Variants in ZNF800 observed in about 807,000 individuals in gnomAD.
ZNF800 encodes the protein zinc finger protein 800.
ZNF800 carries 13 observed loss-of-function variants against 59.5 expected under a neutral mutation model. The observed-to-expected ratio is 0.22, with a 90% CI of 0.14 to 0.35. ZNF800 has a LOEUF of 0.35. Among genes scored for constraint, ZNF800 ranks in the 10% least tolerant of loss-of-function variants. ZNF800 has a pLI of 1.00. For missense variants in ZNF800, 621 were observed against 783.7 expected (o/e 0.79, Z 2.48); for synonymous variants, 266 against 265.7 (o/e 1.00, Z -0.01).
In ZNF800 at chr7:127,373,741, C is replaced by T. The variant is rs1289495621; in HGVS notation, c.1595G>A (p.Arg532His). 6.2e-7 allele frequency: 1 copy of T among 1,614,080 alleles called. No homozygotes were observed. ...CACAGTTATATGTCGTATCACATCACGTTTCCGACGAGTTTCATAAGTGCA... is the reference window on the plus strand; with the variant it reads ...CACAGTTATATGTCGTATCACATCATGTTTCCGACGAGTTTCATAAGTGCA... Reference protein sequence around the residue: ...PLCTYETRRKRDVIRHITVVH... With the variant: ...PLCTYETRRKHDVIRHITVVH... Residue 532 changes from arginine to histidine, a missense_variant, in exon 5 of 6, where the codon CGT becomes CAT. Arg to His is a conservative substitution (Grantham distance 29, BLOSUM62 0). Coordinates refer to ENST00000265827, the MANE Select transcript of ZNF800 (RefSeq NM_176814.5).
intron 1 of ZNF800, chr7:127,348,122 C>G (rs760130697): frequency 6.6e-6 from 1 of 152,116 alleles, no homozygotes; most frequent in South Asian, 2.1e-4. Context: ...GAAAGAGCGC[C>G]GACGCCTCTC....
chr7:127,361,230 A>T (rs1462788226), intron 1 of ZNF800: 2 of 152,156 alleles, frequency 1.3e-5, no homozygotes, highest in Non-Finnish European at 2.9e-5. Context: ...GTAATACAAG[A>T]GGACATTCCA....
At chr7:127,386,855 CAACA>C (rs577395139) in intron 2 of ZNF800, among the ~76,000 whole-genome samples, 153 of 152,184 alleles carry the variant, frequency 1.0e-3, no homozygotes, top group Non-Finnish European at 1.9e-3. Flanking sequence ...AATTGTTAAG[CAACA>C]AACATAGGTT....
At chr7:127,385,083 G>A (rs910878502) in intron 3 of ZNF800, among the ~76,000 whole-genome samples, 4 of 152,120 alleles carry the variant, frequency 2.6e-5, no homozygotes, top group African/African-American at 7.2e-5. Context: ...CTAAAGTAAA[G>A]CAAATATATG....
At chr7:127,367,049 A>G (rs759203807), downstream of ZNF800, among the ~76,000 whole-genome samples, 1 of 152,150 alleles carries the variant, frequency 6.6e-6, no homozygotes, top group Non-Finnish European at 1.5e-5. Flanking sequence ...AAAATAAAGC[A>G]GAGTCTGAAA....
intron 1 of ZNF800, chr7:127,362,390 A>C (rs1255298362): frequency 6.6e-6 from 1 of 152,124 alleles, no homozygotes; most frequent in Non-Finnish European, 1.5e-5. Context: ...TTAGGGAAAT[A>C]AATGCAAAAA....
chr7:127,391,365 G>A, intron 2 of ZNF800, 132 bp downstream of exon 2: 2 of 854,780 alleles, frequency 2.3e-6, no homozygotes, highest in East Asian at 5.1e-5. Context: ...CTTCATAACT[G>A]GCTTATGCTA....
intron 1 of ZNF800, among the ~76,000 whole-genome samples, chr7:127,353,833 T>C (rs1259200695): frequency 6.2e-5 from 5 of 80,054 alleles, no homozygotes; most frequent in Admixed American, 1.5e-4. Flanking sequence ...ATTGCACTGA[T>C]AGATAAGCTG....
chr7:127,391,461 G>A (rs1395339292), intron 2 of ZNF800, 36 bp downstream of exon 2: 3 of 1,604,474 alleles, frequency 1.9e-6, no homozygotes, highest in Admixed American at 1.7e-5. Context: ...TGGCTCTGAT[G>A]GAGGGCAAAG....
downstream of ZNF800, among the ~76,000 whole-genome samples, chr7:127,346,639 G>GA (rs1180661412): frequency 6.6e-6 from 1 of 152,208 alleles, no homozygotes; most frequent in Non-Finnish European, 1.5e-5. Context: ...AGGAATCTAG[G>GA]ATAGGAAGAT....
chr7:127,349,998 CTAGCTAGAAAATTACCTTCAG>C (rs1467220224), intron 1 of ZNF800: 1 of 152,184 alleles, frequency 6.6e-6, no homozygotes. Flanking sequence ...TTGAGAAGCT[CTAGCTAGAAAATTACCTTCAG>C]ATTACTCAGA....
chr7:127,354,078 T>C (rs1220472581), intron 1 of ZNF800, among the ~76,000 whole-genome samples: 1 of 152,138 alleles, frequency 6.6e-6, no homozygotes, highest in Non-Finnish European at 1.5e-5. Context: ...ATAAACTGTT[T>C]GTACACACAG....
Position 127,391,447 on chromosome 7 carries a change from A to C in ZNF800, c.61+50T>G, listed in dbSNP as rs370887608. On this transcript the variant is annotated intron_variant, in intron 2 of 5. Coordinates refer to ENST00000265827, the MANE Select transcript of ZNF800 (RefSeq NM_176814.5). Reference sequence around the variant, plus strand: ...AAAAAGCTAGAAAAAAAGAGAAGGCAGAGTGGCTCTGATGGAGGGCAAAGC... The same window carrying C: ...AAAAAGCTAGAAAAAAAGAGAAGGCCGAGTGGCTCTGATGGAGGGCAAAGC... 3.8e-6 allele frequency: 6 copies of C among 1,564,194 alleles called. No individual in the cohort carries two copies. In the African/African-American group the frequency reaches 8.1e-5, roughly 21 times the overall value.
intron 1 of ZNF800, chr7:127,361,475 G>A (rs1340507437): frequency 6.6e-6 from 1 of 152,026 alleles, no homozygotes; most frequent in Non-Finnish European, 1.5e-5. Flanking sequence ...CAGCTACTCA[G>A]GAAGCTGAGG....
chr7:127,377,256 G>A lies in ZNF800; in HGVS notation c.231C>T (p.Leu77=), dbSNP rs1800813011. 1.9e-6 allele frequency: 3 copies of A among 1,612,048 alleles called. No individual in the cohort carries two copies. Among genetic ancestry groups the A allele is most frequent in the South Asian group, 2.2e-5 (2 of 90,960 alleles). The change falls in exon 4 of 6, where the codon CTC becomes CTT. Residue 77 remains leucine (L), a synonymous_variant. Transcript: ENST00000265827. This position sits in a 1 kb window ranked among gnomAD's most constrained non-coding sequence, Gnocchi z 4.7. The part of the protein sequence containing the change: ...TIFECKLCRS[L]FRGLPNLITH... ...TAATTAAATTTGGTAATCCTCTGAA[G>A]AGACTGCGGCATAACTTACATTCAA... is the stretch of plus-strand genomic sequence containing the variant.
chr7:127,369,560 T>TC (rs1800584181), downstream of ZNF800, among the ~76,000 whole-genome samples: 1 of 152,122 alleles, frequency 6.6e-6, no homozygotes, highest in South Asian at 2.1e-4. Context: ...TCTAAACTGG[T>TC]CCTAGTTCAG....
In ZNF800 at chr7:127,374,356, C is replaced by A. The variant is rs1177145185; in HGVS notation, c.980G>T (p.Gly327Val). ...SITPDIATKP[G>V]QPLFLDSISP... is the part of the protein sequence containing the mutation. ...AATAGAATCCAGGAACAAAGGTTGC[C>A]CAGGCTTTGTTGCTATATCAGGAGT... Residue 327 changes from glycine to valine, a missense_variant, in exon 5 of 6, where the codon GGG becomes GTG. This residue lies in a region of ZNF800 where 185 missense variants were observed against 177.6 expected (regional missense o/e 1.04). Transcript: ENST00000265827. The A allele has an allele frequency of 6.2e-7, 1 of 1,613,586 alleles. No homozygotes were observed.
At chr7:127,360,764 T>A (rs1800378100) in intron 1 of ZNF800, 1 of 151,976 alleles carries the variant, frequency 6.6e-6, no homozygotes, top group Non-Finnish European at 1.5e-5. Context: ...TATGAAAAAA[T>A]ACTTTATCAG....
chr7:127,355,493 G>C (rs1352149116), intron 1 of ZNF800, among the ~76,000 whole-genome samples: 2 of 151,976 alleles, frequency 1.3e-5, no homozygotes, highest in Admixed American at 1.3e-4. Context: ...GTAAATGTGA[G>C]TTTATCAGAA....
Sources: gnomAD v4.1 joint callset for allele counts (sites outside exome capture counted in the v4.1 genomes callset) on GRCh38, gnomAD v4.1.1 for gene constraint, gnomAD v4.1.1 regional missense constraint, Gnocchi (gnomAD v3.1) non-coding constraint, MANE v1.5 for transcripts, NCBI Gene and HGNC (gene_info 2026-07-23, HGNC 2026-07-21) for gene names.